ULK4: variants seen among roughly 807,000 people sequenced by gnomAD.
ULK4 encodes the protein unc-51 like kinase 4, also known as inactive serine/threonine-protein kinase ULK4.
ULK4 carries 133 observed loss-of-function variants against 160.6 expected under a neutral mutation model. The observed-to-expected ratio is 0.83, with a 90% confidence interval of 0.72 to 0.96. The LOEUF is 0.96. ULK4 is among the 40% of genes least tolerant of loss of function. ULK4 has a pLI of 0.00. For synonymous variants in ULK4, 534 were observed against 539.8 expected (o/e 0.99, Z 0.15); for missense variants, 1,580 against 1,499.5 (o/e 1.05, Z -0.89).
At chr3:41,445,088 C>CA (rs1394588110) in intron 34 of ULK4, among the ~76,000 whole-genome samples, 2 of 152,122 alleles carry the variant, frequency 1.3e-5, no homozygotes, top group Non-Finnish European at 2.9e-5. Flanking sequence ...AACAGACAAA[C>CA]AGAGAGCCAA....
At chr3:41,577,243 A>T (rs903264703) in intron 31 of ULK4, among the ~76,000 whole-genome samples, 45 of 152,296 alleles carry the variant, frequency 3.0e-4, no homozygotes, top group African/African-American at 1.0e-3. Flanking sequence ...CCTGCCCCAA[A>T]CCAGCTGGAA....
intron 35 of ULK4, among the ~76,000 whole-genome samples, chr3:41,392,583 T>C (rs2081979434): frequency 6.6e-6 from 1 of 152,136 alleles, no homozygotes; most frequent in Admixed American, 6.6e-5. Flanking sequence ...TATCTTGGGC[T>C]TGCCCTCTCT....
chr3:41,863,681 G>A (rs1045640556), intron 17 of ULK4, among the ~76,000 whole-genome samples: 1 of 151,754 alleles, frequency 6.6e-6, no homozygotes, highest in Non-Finnish European at 1.5e-5. Flanking sequence ...GACAGGACCG[G>A]GTCCTTTCCC....
At chr3:41,589,245 A>C (rs962018731) in intron 31 of ULK4, among the ~76,000 whole-genome samples, 1 of 152,072 alleles carries the variant, frequency 6.6e-6, no homozygotes, top group Non-Finnish European at 1.5e-5. Flanking sequence ...AGTGAGCGGG[A>C]ACCTATACAG....
Position 41,841,503 on chromosome 3 carries a change from G to A in ULK4, c.1657-5532C>T, listed in dbSNP as rs551323574. Among the ~76,000 whole-genome samples the A allele has an allele frequency of 1.6e-3, 241 of 150,884 alleles. 1 individual carries two copies. The highest frequency in any genetic ancestry group is 5.8e-3 in the African/African-American group (237 of 40,962). Reference sequence around the variant, plus strand: ...GCGTCTCTGCCCGGCTGCCCCACCTGGGAAGTGAGAAGCACCTCTGCCCAG... The same window carrying A: ...GCGTCTCTGCCCGGCTGCCCCACCTAGGAAGTGAGAAGCACCTCTGCCCAG... On this transcript the variant is annotated intron_variant, in intron 17 of 36. Coordinates refer to ENST00000301831, the MANE Select transcript of ULK4 (RefSeq NM_017886.4).
chr3:41,543,041 G>A (rs2086747770), intron 32 of ULK4, among the ~76,000 whole-genome samples: 1 of 152,088 alleles, frequency 6.6e-6, no homozygotes, highest in African/African-American at 2.4e-5. Context: ...CAGCCACAGA[G>A]AAGCATTCCC....
At chr3:41,923,423 C>T (rs1453079131) in intron 5 of ULK4, among the ~76,000 whole-genome samples, 3 of 152,108 alleles carry the variant, frequency 2.0e-5, no homozygotes, top group Admixed American at 6.5e-5. Flanking sequence ...TGCTTGAACC[C>T]GGAGACAGAG....
At chr3:41,887,091 T>G (rs148260107) in intron 16 of ULK4, among the ~76,000 whole-genome samples, 1 of 152,302 alleles carries the variant, frequency 6.6e-6, no homozygotes, top group African/African-American at 2.4e-5. Context: ...CCACTCTTAC[T>G]CAGTGGGAGT....
At chr3:41,845,444 A>G (rs1326202337) in intron 17 of ULK4, among the ~76,000 whole-genome samples, 1 of 152,244 alleles carries the variant, frequency 6.6e-6, no homozygotes, top group Non-Finnish European at 1.5e-5. Flanking sequence ...TACAAACCAT[A>G]TGACTATTTA....
intron 34 of ULK4, among the ~76,000 whole-genome samples, chr3:41,421,808 C>T (rs1186479584): frequency 6.6e-6 from 1 of 152,070 alleles, no homozygotes; most frequent in Non-Finnish European, 1.5e-5. Context: ...TCTCTACACT[C>T]CAAATCATTT....
At chr3:41,301,137 C>T (rs1350426349) in intron 35 of ULK4, among the ~76,000 whole-genome samples, 4 of 151,682 alleles carry the variant, frequency 2.6e-5, no homozygotes, top group African/African-American at 9.7e-5. Context: ...TCATTTATTG[C>T]CTGGGGATCA....
At chr3:41,507,050 T>C (rs2055187) in intron 32 of ULK4, among the ~76,000 whole-genome samples, 123,789 of 147,390 alleles carry the variant, frequency 0.84, 53,298 homozygotes, top group Non-Finnish European at 0.94. Flanking sequence ...CATGTACACC[T>C]GGTTAAATGG....
chr3:41,491,680 G>GA (rs1233018661), intron 32 of ULK4, among the ~76,000 whole-genome samples: 5 of 101,782 alleles, frequency 4.9e-5, no homozygotes, highest in East Asian at 2.2e-4. Context: ...AAATTAATAG[G>GA]AAAAAAAAGA....
chr3:41,354,516 T>C (rs2080990317), intron 35 of ULK4, among the ~76,000 whole-genome samples: 1 of 152,222 alleles, frequency 6.6e-6, no homozygotes, highest in South Asian at 2.1e-4. Context: ...CTCATTTAAT[T>C]ACAAACATTG....
intron 21 of ULK4, among the ~76,000 whole-genome samples, chr3:41,787,768 T>C (rs549436462): frequency 6.6e-6 from 1 of 152,200 alleles, no homozygotes; most frequent in Admixed American, 6.5e-5. Flanking sequence ...GTACCAATAC[T>C]AATCAAAAGT....
intron 32 of ULK4, among the ~76,000 whole-genome samples, chr3:41,479,183 T>C (rs1575281358): frequency 1.3e-5 from 2 of 152,368 alleles, no homozygotes; most frequent in South Asian, 2.1e-4. Context: ...TTTAGAGCCC[T>C]ACACCTCAGA....
intron 17 of ULK4, among the ~76,000 whole-genome samples, chr3:41,854,710 T>TAG (rs2042293902): frequency 6.6e-6 from 1 of 151,976 alleles, no homozygotes; most frequent in Non-Finnish European, 1.5e-5. Context: ...CCAAGTAACC[T>TAG]AGAGAGAGGT....
At chr3:41,567,071 G>A (rs1046131929) in intron 31 of ULK4, among the ~76,000 whole-genome samples, 19 of 152,144 alleles carry the variant, frequency 1.2e-4, no homozygotes, top group South Asian at 8.3e-4. Flanking sequence ...GTCCAACCCC[G>A]AAAAGCAACA....
At position 41,757,563 on chromosome 3, in the gene ULK4, C is replaced by T. The variant is rs1243081898; in HGVS notation, c.2194-3075G>A. Among the ~76,000 whole-genome samples the T allele has an allele frequency of 2.4e-4, 33 of 136,034 alleles. 1 individual carries two copies. Among genetic ancestry groups the T allele is most frequent in the Admixed American group, 4.8e-4 (6 of 12,534 alleles). 89.2% of individuals were successfully genotyped at this position (136,034 alleles called of 152,430 possible). A position where few individuals can be genotyped will look rare whatever the true frequency, so the allele number is the denominator to read the frequency against. On this transcript the variant is annotated intron_variant, in intron 21 of 36. Coordinates refer to ENST00000301831, the MANE Select transcript of ULK4 (RefSeq NM_017886.4). ...AGGAGAATGGTGTGAACCCAGGAGG[C>T]GGAGCTTTCAGTGAGCCGATATCGT...
Sources: gnomAD v4.1 joint callset for allele counts (sites outside exome capture counted in the v4.1 genomes callset) on GRCh38, gnomAD v4.1.1 for gene constraint, MANE v1.5 for transcripts, NCBI Gene and HGNC (gene_info 2026-07-23, HGNC 2026-07-21) for gene names.